The following SFMBT1 variants were observed in gnomAD, a reference collection of about 807,000 sequenced individuals.
SFMBT1 encodes Scm like with four mbt domains 1, also known as scm-like with four MBT domains protein 1.
A neutral mutation model predicts 108.7 loss-of-function variants in SFMBT1; 32 were observed. The observed-to-expected ratio is 0.29, with a 90% CI of 0.22 to 0.40. The LOEUF (loss-of-function observed/expected upper bound fraction) is 0.40, where lower values mean the gene tolerates loss of function less well. Ranked by LOEUF, SFMBT1 falls within the 10% of genes least tolerant of loss-of-function variation. SFMBT1 has a pLI of 1.00. For synonymous variants in SFMBT1, 348 were observed against 369.5 expected, an observed-to-expected ratio of 0.94 and a Z score of 0.67; for missense variants, 816 against 1,059.6, an observed-to-expected ratio of 0.77 and a Z score of 3.19.
intron 1 of SFMBT1, among the ~76,000 whole-genome samples, chr3:52,983,209 C>T (rs1017720649): frequency 6.6e-6 from 1 of 152,160 alleles, no homozygotes; most frequent in Non-Finnish European, 1.5e-5. Flanking sequence ...GTGAAGATGA[C>T]AAGGATGAAG....
At chr3:52,968,600 CTTT>C (rs5848970) in intron 2 of SFMBT1, among the ~76,000 whole-genome samples, 12 of 127,580 alleles carry the variant, frequency 9.4e-5, no homozygotes, top group Admixed American at 2.4e-4. Context: ...AAAACAGTTT[CTTT>C]TTTTTTTTTT....
chr3:52,934,836 G>A lies in SFMBT1; in HGVS notation c.430C>T (p.Pro144Ser). Residue 144 changes from proline to serine, a missense_variant, in exon 5 of 21, where the codon CCT becomes TCT. Physicochemically the swap from Pro to Ser is moderately conservative, Grantham distance 74. This residue lies in a region of SFMBT1 where 495 missense variants were observed against 607.4 expected (regional missense o/e 0.81). Coordinates refer to ENST00000394752, the MANE Select transcript of SFMBT1 (RefSeq NM_016329.4). ...ACGCCCTCTAGCAGCGGAACAGGAG[G>A]ACTACATGCTCCTATCAGGGTCTGC... ...LRQTLIGACS[P>S]PVPLLEGLRN... 6.2e-7 allele frequency: 1 copy of A among 1,613,544 alleles called. No individual in the cohort carries two copies. The highest frequency in any genetic ancestry group is 1.1e-5 in the South Asian group (1 of 90,958).
intron 16 of SFMBT1, among the ~76,000 whole-genome samples, chr3:52,911,731 C>T (rs750029556): frequency 9.9e-5 from 15 of 152,206 alleles, no homozygotes; most frequent in Non-Finnish European, 2.1e-4. Flanking sequence ...GAGTCTCGCT[C>T]TGTCACCCAG....
chr3:53,024,751 G>A (rs977637781), intron 1 of SFMBT1, among the ~76,000 whole-genome samples: 8 of 152,116 alleles, frequency 5.3e-5, no homozygotes, highest in African/African-American at 1.7e-4. Context: ...GTCAGGGGCC[G>A]GTCCAACAAT....
intron 1 of SFMBT1, among the ~76,000 whole-genome samples, chr3:52,972,238 C>A (rs1409749419): frequency 1.3e-5 from 2 of 152,128 alleles, no homozygotes; most frequent in Non-Finnish European, 2.9e-5. Flanking sequence ...AGCTTCAAAG[C>A]CAAAAGGCAT....
rs201639214 is a variant in SFMBT1, at chr3:52,907,742, G to A, written c.1907-9C>T. On this transcript the variant is annotated splice_polypyrimidine_tract_variant and intron_variant, in intron 17 of 20. Coordinates refer to ENST00000394752, the MANE Select transcript of SFMBT1 (RefSeq NM_016329.4). Reference sequence around the variant, plus strand: ...CTTTCCGTAATAGTGTGCTAAATGTGGATGACAAAGAAAAATGAAGTAGCT... The same window carrying A: ...CTTTCCGTAATAGTGTGCTAAATGTAGATGACAAAGAAAAATGAAGTAGCT... 1.3e-4 allele frequency: 209 copies of A among 1,573,410 alleles called. 1 individual carries two copies. The highest frequency in any genetic ancestry group is 1.7e-4 in the Non-Finnish European group (201 of 1,164,350).
chr3:52,975,420 G>T (rs565070759), intron 1 of SFMBT1, among the ~76,000 whole-genome samples: 1 of 152,266 alleles, frequency 6.6e-6, no homozygotes, highest in Non-Finnish European at 1.5e-5. Context: ...TGGGCATAGT[G>T]GCTCACACCT....
chr3:53,007,561 G>A (rs983064221), intron 1 of SFMBT1, among the ~76,000 whole-genome samples: 8 of 152,112 alleles, frequency 5.3e-5, no homozygotes, highest in African/African-American at 1.9e-4. Context: ...ATGTCAAAAG[G>A]ACAAAGCAGC....
At chr3:52,996,416 A>G (rs1392985314) in intron 1 of SFMBT1, among the ~76,000 whole-genome samples, 3 of 148,880 alleles carry the variant, frequency 2.0e-5, no homozygotes, top group African/African-American at 7.3e-5. Flanking sequence ...AGTTTCACCT[A>G]TTACCCAGGC....
chr3:53,019,967 C>T (rs936854540), intron 1 of SFMBT1, among the ~76,000 whole-genome samples: 1 of 152,170 alleles, frequency 6.6e-6, no homozygotes, highest in Non-Finnish European at 1.5e-5. Context: ...CCACAGACTC[C>T]AATCTCAGGG....
chr3:53,003,994 G>A (rs905453283), intron 1 of SFMBT1, among the ~76,000 whole-genome samples: 1 of 149,512 alleles, frequency 6.7e-6, no homozygotes, highest in Non-Finnish European at 1.5e-5. Context: ...CTCCTTCAAC[G>A]AGTGCTGAAG....
At chr3:53,041,698 C>CAAAAAAAAAAAAAAAAAAAAAAAAAAA (rs59502728) in intron 1 of SFMBT1, among the ~76,000 whole-genome samples, 1 of 44,114 alleles carries the variant, frequency 2.3e-5, no homozygotes, top group Non-Finnish European at 4.0e-5. Flanking sequence ...AAGTCTGTCT[C>CAAAAAAAAAAAAAAAAAAAAAAAAAAA]AAAAAAAAAA....
Position 52,943,697 on chromosome 3 carries a change from A to G in SFMBT1, c.124-104T>C. ...TTACAATTCCGAAGCACTAAATGCA[A>G]TAACATCTCAAGGAAAGCCTGAGAA... On this transcript the variant is annotated intron_variant, in intron 3 of 20. Transcript: ENST00000394752. 2.8e-6 allele frequency: 4 copies of G among 1,423,386 alleles called. No individual in the cohort carries two copies. The South Asian group carries it at 3.6e-5, about 13-fold the overall frequency. The allele number at this position is 1,423,386 out of a possible 1,614,324, so 88.2% of individuals were successfully genotyped here.
chr3:53,017,032 G>C (rs1395794114), intron 1 of SFMBT1, among the ~76,000 whole-genome samples: 2 of 152,156 alleles, frequency 1.3e-5, no homozygotes, highest in African/African-American at 2.4e-5. Context: ...AGAAAAATAG[G>C]AACGAATGAG....
At chr3:52,984,049 T>C (rs1400533877) in intron 1 of SFMBT1, among the ~76,000 whole-genome samples, 1 of 152,096 alleles carries the variant, frequency 6.6e-6, no homozygotes, top group East Asian at 1.9e-4. Context: ...TGGAGGAAGA[T>C]GTAAGATGGA....
At chr3:52,906,376 A>G in intron 19 of SFMBT1, 135 bp from the exon 20 acceptor site, 2 of 1,343,902 alleles carry the variant, frequency 1.5e-6, no homozygotes, top group Non-Finnish European at 2.1e-6. Flanking sequence ...CCCAGCAAAG[A>G]TGGCAAAGAC....
chr3:53,024,465 C>T (rs1699418006), intron 1 of SFMBT1, among the ~76,000 whole-genome samples: 3 of 149,924 alleles, frequency 2.0e-5, no homozygotes, highest in Admixed American at 1.3e-4. Flanking sequence ...TGGGGAGGGC[C>T]GGCCATGAGA....
At chr3:52,925,219 TCAAAA>T (rs894998636) in intron 10 of SFMBT1, among the ~76,000 whole-genome samples, 1 of 152,132 alleles carries the variant, frequency 6.6e-6, no homozygotes, top group Non-Finnish European at 1.5e-5. Flanking sequence ...AGACTCTGTC[TCAAAA>T]CAAAACAAAA....
chr3:53,016,922 C>T lies in SFMBT1; in HGVS notation c.-131+28894G>A, dbSNP rs182878884. Among the ~76,000 whole-genome samples the T allele has an allele frequency of 3.3e-5, 5 of 152,252 alleles. No individual in the cohort carries two copies. The East Asian group carries it at 9.6e-4, about 29-fold the overall frequency. On this transcript the variant is annotated intron_variant, in intron 1 of 20. Transcript: ENST00000394752. Reference sequence around the variant, plus strand: ...CACATTGGAAATTTCTATTTTGATTCACATTGGAAAGATCCAATTTCCTTT... The same window carrying T: ...CACATTGGAAATTTCTATTTTGATTTACATTGGAAAGATCCAATTTCCTTT...
Sources: gnomAD v4.1 joint callset for allele counts (sites outside exome capture counted in the v4.1 genomes callset) on GRCh38, gnomAD v4.1.1 for gene constraint, gnomAD v4.1.1 regional missense constraint, MANE v1.5 for transcripts, NCBI Gene and HGNC (gene_info 2026-07-23, HGNC 2026-07-21) for gene names.